FER: variants seen among roughly 807,000 people sequenced by gnomAD.
FER encodes the protein tyrosine-protein kinase Fer.
A neutral mutation model predicts 111.0 loss-of-function variants in FER; 63 were observed. That is an observed-to-expected ratio of 0.57 (90% CI 0.46 to 0.70). The LOEUF is 0.70. FER is among the 30% of genes least tolerant of loss of function. The pLI is 0.00. For synonymous variants in FER, 327 were observed against 313.9 expected (o/e 1.04, Z -0.44); for missense variants, 914 against 954.0 (o/e 0.96, Z 0.55).
intron 10 of FER, among the ~76,000 whole-genome samples, chr5:108,934,650 A>T (rs541842516): frequency 2.0e-5 from 3 of 152,296 alleles, no homozygotes; most frequent in Admixed American, 2.0e-4. Flanking sequence ...CGAAGCAAAT[A>T]AAAAGTTAGC....
chr5:108,992,689 C>A (rs1763386950), intron 13 of FER, among the ~76,000 whole-genome samples: 1 of 149,606 alleles, frequency 6.7e-6, no homozygotes, highest in African/African-American at 2.4e-5. Context: ...CTGACCCCCA[C>A]CTCCCTCCCG....
intron 14 of FER, among the ~76,000 whole-genome samples, chr5:109,039,144 G>A (rs758731341): frequency 4.0e-5 from 6 of 151,576 alleles, no homozygotes; most frequent in Non-Finnish European, 8.8e-5. Flanking sequence ...AAGACAATTA[G>A]CCATGATTCC....
chr5:108,969,594 A>G (rs937023545), intron 13 of FER, among the ~76,000 whole-genome samples: 4 of 151,224 alleles, frequency 2.6e-5, no homozygotes, highest in African/African-American at 9.9e-5. Flanking sequence ...TTTACTTGTT[A>G]TATTTTACAT....
chr5:109,037,594 A>C, intron 14 of FER, 116 bp downstream of exon 14: 2 of 706,674 alleles, frequency 2.8e-6, no homozygotes, highest in Non-Finnish European at 2.4e-6. Context: ...ATTACACATT[A>C]ACTAGAACAC....
At chr5:109,026,873 G>A (rs757121690) in intron 13 of FER, among the ~76,000 whole-genome samples, 33 of 152,086 alleles carry the variant, frequency 2.2e-4, no homozygotes, top group Non-Finnish European at 3.4e-4. Flanking sequence ...TAGAAACGGG[G>A]TTTTACCATG....
chr5:109,059,800 T>G (rs890614505), intron 16 of FER, among the ~76,000 whole-genome samples: 4 of 152,188 alleles, frequency 2.6e-5, no homozygotes, highest in African/African-American at 9.7e-5. Flanking sequence ...TAAAAATCTT[T>G]CATATGACCT....
chr5:108,790,044 C>T (rs976389879), intron 2 of FER, among the ~76,000 whole-genome samples: 2 of 151,992 alleles, frequency 1.3e-5, no homozygotes, highest in Non-Finnish European at 2.9e-5. Context: ...GTAAAATATT[C>T]GTTGGGTGCA....
chr5:108,978,209 C>A (rs557384178), intron 13 of FER, among the ~76,000 whole-genome samples: 61 of 152,196 alleles, frequency 4.0e-4, no homozygotes, highest in African/African-American at 1.4e-3. Flanking sequence ...AAATAATGAC[C>A]GATTATGTTC....
chr5:108,913,646 G>T (rs1177700282), intron 10 of FER, among the ~76,000 whole-genome samples: 7 of 152,158 alleles, frequency 4.6e-5, no homozygotes, highest in Admixed American at 4.6e-4. Context: ...CAGTATATCT[G>T]CTCCTGGATA....
chr5:109,056,190 T>G (rs981320297), intron 16 of FER, among the ~76,000 whole-genome samples: 3 of 152,186 alleles, frequency 2.0e-5, no homozygotes, highest in Admixed American at 2.0e-4. Flanking sequence ...AAAATAGAGC[T>G]ACCATGTACC....
At chr5:109,027,242 AC>A (rs1464699235) in intron 13 of FER, among the ~76,000 whole-genome samples, 2 of 152,090 alleles carry the variant, frequency 1.3e-5, no homozygotes, top group Admixed American at 6.6e-5. Context: ...CTCATGTTGA[AC>A]CTGCAATACA....
chr5:109,109,820 A>G (rs1295539633), intron 17 of FER, among the ~76,000 whole-genome samples: 1 of 152,164 alleles, frequency 6.6e-6, no homozygotes, highest in Non-Finnish European at 1.5e-5. Context: ...AGTTTCTAAT[A>G]GTGACACTAT....
chr5:108,804,531 T>C (rs1457587594), intron 3 of FER, among the ~76,000 whole-genome samples: 2 of 152,204 alleles, frequency 1.3e-5, no homozygotes, highest in Admixed American at 1.3e-4. Context: ...TTGAGGATTT[T>C]TATCATGAAG....
At chr5:109,144,809 T>G (rs1025147361) in intron 17 of FER, among the ~76,000 whole-genome samples, 1 of 152,052 alleles carries the variant, frequency 6.6e-6, no homozygotes, top group African/African-American at 2.4e-5. Context: ...TTAGGAGATA[T>G]GAGGACAAAT....
At chr5:109,164,850 C>CT (rs1176401088) in intron 17 of FER, among the ~76,000 whole-genome samples, 2 of 152,160 alleles carry the variant, frequency 1.3e-5, no homozygotes, top group African/African-American at 4.8e-5. Flanking sequence ...CTCCCTTCCA[C>CT]TTAGCATGTT....
rs1759300273 is a variant in FER, at chr5:109,190,423, A to T, written c.*2848A>T. 1.3e-5 allele frequency: 2 copies of T among 152,106 alleles called. No individual in the cohort carries two copies. Among genetic ancestry groups the T allele is most frequent in the Admixed American group, 1.3e-4 (2 of 15,268 alleles). 9.4% of individuals were successfully genotyped at this position (152,106 alleles called of 1,614,324 possible). On this transcript the variant is annotated 3_prime_UTR_variant, in exon 20 of 20. Transcript: ENST00000281092. The stretch of plus-strand genomic sequence containing the variant: ...CTCATAAGTCCTTAAATTTATTAAA[A>T]GGGGGAGGTAAACACAAGCAGTCTG...
chr5:108,851,360 A>G (rs752448515), intron 5 of FER, among the ~76,000 whole-genome samples: 1 of 152,142 alleles, frequency 6.6e-6, no homozygotes, highest in Non-Finnish European at 1.5e-5. Context: ...CGTGAGATTT[A>G]TTCACTATCA....
intron 17 of FER, among the ~76,000 whole-genome samples, chr5:109,107,494 C>T (rs764984644): frequency 9.9e-5 from 15 of 152,050 alleles, no homozygotes; most frequent in Non-Finnish European, 4.4e-5. Flanking sequence ...ACCCTCTACC[C>T]TCAAGTAGAC....
At chr5:108,940,868 G>C (rs1756161779) in intron 10 of FER, among the ~76,000 whole-genome samples, 1 of 152,040 alleles carries the variant, frequency 6.6e-6, no homozygotes. Flanking sequence ...AGTACTCTAG[G>C]CTTTCACTTA....
Sources: gnomAD v4.1 joint callset for allele counts (sites outside exome capture counted in the v4.1 genomes callset) on GRCh38, gnomAD v4.1.1 for gene constraint, MANE v1.5 for transcripts, NCBI Gene and HGNC (gene_info 2026-07-23, HGNC 2026-07-21) for gene names.